Variants in CNTNAP2 observed in about 807,000 individuals in gnomAD.
CNTNAP2 encodes contactin-associated protein-like 2.
CNTNAP2 carries 98 observed loss-of-function variants against 155.2 expected under a neutral mutation model. The ratio of observed to expected loss-of-function variants is 0.63; its 90% CI spans 0.54 to 0.75. CNTNAP2 has a LOEUF of 0.75. Among genes scored for constraint, CNTNAP2 ranks in the 30% least tolerant of loss-of-function variants. The probability of loss-of-function intolerance (pLI) is 0.00; values close to 1 mark genes in which losing one functional copy is unlikely to be tolerated. For missense variants in CNTNAP2, 1,727 were observed against 1,688.1 expected (o/e 1.02, Z -0.40); for synonymous variants, 651 against 631.2 (o/e 1.03, Z -0.47).
intron 16 of CNTNAP2, among the ~76,000 whole-genome samples, chr7:148,134,402 C>G (rs918642004): frequency 6.6e-6 from 1 of 152,154 alleles, no homozygotes; most frequent in Admixed American, 6.5e-5. Flanking sequence ...AACATCAGAA[C>G]ATGCTGGCAT....
chr7:147,523,606 A>T (rs1358581056), intron 11 of CNTNAP2, among the ~76,000 whole-genome samples: 3 of 152,142 alleles, frequency 2.0e-5, no homozygotes, highest in Non-Finnish European at 4.4e-5. Flanking sequence ...AGCTCCCTCC[A>T]CACAGCTGAG....
At chr7:147,099,423 T>G (rs1272793312) in intron 4 of CNTNAP2, among the ~76,000 whole-genome samples, 1 of 152,010 alleles carries the variant, frequency 6.6e-6, no homozygotes, top group Non-Finnish European at 1.5e-5. Flanking sequence ...GAGGGGAAGT[T>G]GAAGCCATGG....
At chr7:148,012,386 CT>C (rs1413725851) in intron 15 of CNTNAP2, among the ~76,000 whole-genome samples, 2 of 152,276 alleles carry the variant, frequency 1.3e-5, no homozygotes, top group Admixed American at 6.5e-5. Context: ...TAGAATGGTG[CT>C]GGCCAGGGCC....
intron 1 of CNTNAP2, among the ~76,000 whole-genome samples, chr7:146,735,512 G>A (rs377652300): frequency 1.2e-3 from 181 of 152,086 alleles, no homozygotes; most frequent in African/African-American, 4.1e-3. Context: ...CCGAGATAGC[G>A]CCACTGCACT....
chr7:148,106,493 G>GATAGATAGATAGATAGATATATATAT (rs1490418389), intron 15 of CNTNAP2, among the ~76,000 whole-genome samples: 6 of 124,920 alleles, frequency 4.8e-5, no homozygotes, highest in African/African-American at 2.1e-4. Context: ...CACACTTTGA[G>GATAGATAGATAGATAGATATATATAT]ATATATATAT....
chr7:148,015,279 G>A (rs981796377), intron 15 of CNTNAP2, among the ~76,000 whole-genome samples: 15 of 152,132 alleles, frequency 9.9e-5, no homozygotes, highest in Non-Finnish European at 1.5e-4. Context: ...AATTTTTAGT[G>A]AATCAGATGT....
rs535255009 is a variant in CNTNAP2 at position 146,966,716 on chromosome 7, A to T, written c.403-77191A>T. Among the ~76,000 whole-genome samples, 6 of 152,324 alleles carry T rather than the reference A, an allele frequency of 3.9e-5. No homozygotes were observed. The South Asian group carries it at 1.0e-3, about 26-fold the overall frequency. Reference sequence around the variant, plus strand: ...ACAATGCAAATGTACTCAGGAAAAGATGATGCTTGATTATTCATTAGCAGG... The same window carrying T: ...ACAATGCAAATGTACTCAGGAAAAGTTGATGCTTGATTATTCATTAGCAGG... On this transcript the variant is annotated intron_variant, in intron 3 of 23. Transcript: ENST00000361727.
At chr7:148,387,463 C>T (rs894470816) in intron 22 of CNTNAP2, among the ~76,000 whole-genome samples, 1 of 152,132 alleles carries the variant, frequency 6.6e-6, no homozygotes, top group Non-Finnish European at 1.5e-5. Flanking sequence ...AAGAAAATAA[C>T]ATGAGAGCTC....
rs568679371 is a variant in CNTNAP2 at position 147,840,448 on chromosome 7, T to C, written c.2099-63117T>C. ...GAGCCTATCTGCAGTTGGGGGTGTC[T>C]GAGTTACTGCAGCATGTCCAGGTAG... On this transcript the variant is annotated intron_variant, in intron 13 of 23. Transcript: ENST00000361727. Among the ~76,000 whole-genome samples, 7 of 152,294 alleles carry C rather than the reference T, an allele frequency of 4.6e-5. No individual in the cohort carries two copies. In the South Asian group the frequency reaches 1.4e-3, roughly 32 times the overall value.
chr7:147,680,408 A>C (rs1478074834), intron 13 of CNTNAP2, among the ~76,000 whole-genome samples: 1 of 151,950 alleles, frequency 6.6e-6, no homozygotes, highest in Non-Finnish European at 1.5e-5. Context: ...GCATATCAAG[A>C]CATATGAGAA....
chr7:146,379,578 T>C (rs1584897343), intron 1 of CNTNAP2, among the ~76,000 whole-genome samples: 1 of 152,186 alleles, frequency 6.6e-6, no homozygotes, highest in Admixed American at 6.5e-5. Context: ...ACGCTACTCA[T>C]GTTAAGTTGC....
chr7:147,703,918 T>C (rs1796272634), intron 13 of CNTNAP2, among the ~76,000 whole-genome samples: 1 of 152,136 alleles, frequency 6.6e-6, no homozygotes, highest in Non-Finnish European at 1.5e-5. Context: ...CTCCATGAGG[T>C]CGATTTTTCA....
At chr7:147,656,648 C>T (rs1795528964) in intron 13 of CNTNAP2, among the ~76,000 whole-genome samples, 1 of 151,956 alleles carries the variant, frequency 6.6e-6, no homozygotes, top group Non-Finnish European at 1.5e-5. Context: ...ATAGTAACGT[C>T]AAAGATCACT....
chr7:147,468,052 G>T (rs935716099), intron 10 of CNTNAP2, among the ~76,000 whole-genome samples: 27 of 152,060 alleles, frequency 1.8e-4, no homozygotes, highest in African/African-American at 5.8e-4. Context: ...GGGAGGCCAA[G>T]GCGGGAGGAT....
At chr7:147,511,414 C>T (rs1277144621) in intron 11 of CNTNAP2, among the ~76,000 whole-genome samples, 1 of 151,022 alleles carries the variant, frequency 6.6e-6, no homozygotes, top group Non-Finnish European at 1.5e-5. Flanking sequence ...TTCCTCAAGC[C>T]GATTTTCTTT....
chr7:146,475,360 A>G (rs1563098410), intron 1 of CNTNAP2, among the ~76,000 whole-genome samples: 1 of 152,210 alleles, frequency 6.6e-6, no homozygotes. Flanking sequence ...TCAAACATAG[A>G]AAAAGGAAGC....
chr7:147,511,746 A>G (rs1799026589), intron 11 of CNTNAP2, among the ~76,000 whole-genome samples: 1 of 151,856 alleles, frequency 6.6e-6, no homozygotes, highest in African/African-American at 2.4e-5. Context: ...TTGCAACAAA[A>G]CGACAAAGAT....
rs145569852 is a variant in CNTNAP2 at position 146,316,455 on chromosome 7, A to C, written c.97+199482A>C. On this transcript the variant is annotated intron_variant, in intron 1 of 23. Transcript: ENST00000361727. ...TTTGGGATCCTGATGAGTCAAGTAGAGACAAGGTAAGAGTCATATTGGTTA... is the reference window on the plus strand; with the variant it reads ...TTTGGGATCCTGATGAGTCAAGTAGCGACAAGGTAAGAGTCATATTGGTTA... 4.5e-3 allele frequency among the ~76,000 whole-genome samples: 686 copies of C among 152,256 alleles called. 4 individuals are homozygous for C. The highest frequency in any genetic ancestry group is 0.016 in the African/African-American group (651 of 41,564).
chr7:147,711,318 C>T (rs1156243544), intron 13 of CNTNAP2, among the ~76,000 whole-genome samples: 1 of 152,138 alleles, frequency 6.6e-6, no homozygotes, highest in Non-Finnish European at 1.5e-5. Context: ...CATCTTTCTA[C>T]ATAAAGACCA....
Sources: allele counts gnomAD v4.1 joint callset (sites outside exome capture counted in the v4.1 genomes callset), GRCh38; gene constraint gnomAD v4.1.1; transcripts MANE v1.5; gene names NCBI Gene and HGNC (gene_info 2026-07-23, HGNC 2026-07-21).